KLHL3: variants seen among roughly 807,000 people sequenced by gnomAD.
The protein encoded by KLHL3 is kelch-like protein 3.
A neutral mutation model predicts 70.5 loss-of-function variants in KLHL3; 19 were observed. That is an observed-to-expected ratio of 0.27 (90% CI 0.19 to 0.40). The LOEUF is 0.40. KLHL3 is among the 10% of genes least tolerant of loss of function. KLHL3 has a pLI of 1.00. For synonymous variants in KLHL3, 258 were observed against 290.3 expected (o/e 0.89, Z 1.13); for missense variants, 512 against 771.1 (o/e 0.66, Z 3.98).
At chr5:137,684,167 C>A (rs566302616) in intron 5 of KLHL3, among the ~76,000 whole-genome samples, 1 of 152,194 alleles carries the variant, frequency 6.6e-6, no homozygotes, top group African/African-American at 2.4e-5. Context: ...TACTAAACTT[C>A]TCTGGGGTTA....
chr5:137,675,473 C>T (rs1216288347), intron 6 of KLHL3, among the ~76,000 whole-genome samples: 6 of 152,012 alleles, frequency 3.9e-5, no homozygotes, highest in Admixed American at 2.0e-4. Context: ...CTATATTTGG[C>T]GTTTTATATC....
chr5:137,670,730 G>A (rs765775264), intron 6 of KLHL3, among the ~76,000 whole-genome samples: 1 of 152,004 alleles, frequency 6.6e-6, no homozygotes, highest in African/African-American at 2.4e-5. Context: ...AGCACTTTGC[G>A]AGGCTGAGGC....
chr5:137,698,988 A>C (rs991414113), intron 3 of KLHL3, among the ~76,000 whole-genome samples: 2 of 152,270 alleles, frequency 1.3e-5, no homozygotes, highest in African/African-American at 4.8e-5. Context: ...TGAGCACAGG[A>C]GGGTAGGTAA....
chr5:137,667,446 G>C (rs1474914563), intron 6 of KLHL3, among the ~76,000 whole-genome samples: 1 of 152,152 alleles, frequency 6.6e-6, no homozygotes, highest in Non-Finnish European at 1.5e-5. Flanking sequence ...CCAATTTCTT[G>C]CATGCTACAA....
At chr5:137,702,289 A>C (rs1232053982) in intron 3 of KLHL3, among the ~76,000 whole-genome samples, 1 of 152,216 alleles carries the variant, frequency 6.6e-6, no homozygotes, top group African/African-American at 2.4e-5. Flanking sequence ...GATAGAGTCC[A>C]TTGTTTTCAT....
At chr5:137,715,237 T>C (rs1752871375) in intron 2 of KLHL3, among the ~76,000 whole-genome samples, 1 of 152,208 alleles carries the variant, frequency 6.6e-6, no homozygotes, top group African/African-American at 2.4e-5. Flanking sequence ...AACTCATGAA[T>C]TGTGTGATTC....
At chr5:137,661,784 G>T in intron 7 of KLHL3, 131 bp downstream of exon 7, 1 of 625,622 alleles carries the variant, frequency 1.6e-6, no homozygotes, top group Non-Finnish European at 2.9e-6. Context: ...TTAACCCAGT[G>T]GGCTGGTTCC....
intron 2 of KLHL3, among the ~76,000 whole-genome samples, chr5:137,715,660 T>C (rs1432789943): frequency 6.6e-6 from 1 of 152,196 alleles, no homozygotes; most frequent in African/African-American, 2.4e-5. Context: ...ATCATCATCA[T>C]CATCATCATA....
At chr5:137,679,832 G>A (rs906371192) in intron 5 of KLHL3, among the ~76,000 whole-genome samples, 6 of 152,188 alleles carry the variant, frequency 3.9e-5, no homozygotes. Flanking sequence ...GGTGGGGAAG[G>A]GGCAACAAGA....
In KLHL3 at chr5:137,692,280, C is replaced by T. The variant is rs370397920; in HGVS notation, c.526+5G>A. 8 of 1,610,456 alleles carry T rather than the reference C, an allele frequency of 5.0e-6. No homozygotes were observed. In the Admixed American group the frequency reaches 1.2e-4, roughly 24 times the overall value. On this transcript the variant is annotated splice_donor_5th_base_variant and intron_variant, in intron 5 of 14. Transcript: ENST00000309755. ...AGGAGGTGCAGCAGTCCGGCTCCCC[C>T]TTACCTGCGTAGGCATTGGCCTGCT... is the stretch of plus-strand genomic sequence containing the variant.
chr5:137,651,679 C>T (rs1580733395), intron 8 of KLHL3, among the ~76,000 whole-genome samples: 2 of 152,180 alleles, frequency 1.3e-5, no homozygotes, highest in East Asian at 3.9e-4. Flanking sequence ...CAAGCAGAAC[C>T]CCTACAAGCT....
rs996797978 is a variant in KLHL3 at position 137,619,338 on chromosome 5, A to G, written c.*2760T>C. ...TGTAGATGGAGAGATGCCATTGGGT[A>G]CTTATGAGAAATAACTTTGGAATTC... On this transcript the variant is annotated 3_prime_UTR_variant, in exon 15 of 15. Transcript: ENST00000309755. 5 of 152,658 alleles carry G rather than the reference A, an allele frequency of 3.3e-5. No individual in the cohort carries two copies. The highest frequency in any genetic ancestry group is 1.2e-4 in the African/African-American group (5 of 41,458). The allele number at this position is 152,658 out of a possible 1,614,324, so 9.5% of individuals were successfully genotyped here.
At chr5:137,649,510 G>T (rs187846622) in intron 8 of KLHL3, among the ~76,000 whole-genome samples, 1 of 152,144 alleles carries the variant, frequency 6.6e-6, no homozygotes, top group Non-Finnish European at 1.5e-5. Flanking sequence ...ACTGCACCCC[G>T]ACCAACAGCT....
chr5:137,670,921 C>T (rs373187893), intron 6 of KLHL3, among the ~76,000 whole-genome samples: 5 of 148,806 alleles, frequency 3.4e-5, no homozygotes, highest in South Asian at 4.2e-4. Context: ...TGCAGTGAGC[C>T]GAGATCGTGC....
intron 8 of KLHL3, among the ~76,000 whole-genome samples, chr5:137,657,371 G>C (rs1422879165): frequency 3.3e-5 from 5 of 152,130 alleles, no homozygotes; most frequent in Admixed American, 2.6e-4. Flanking sequence ...CAGCATGTTA[G>C]ACTCCTAAAA....
intron 2 of KLHL3, among the ~76,000 whole-genome samples, chr5:137,719,102 C>A (rs1244084532): frequency 6.6e-6 from 1 of 152,232 alleles, no homozygotes; most frequent in African/African-American, 2.4e-5. Flanking sequence ...AGCATCAACC[C>A]TCTTCTCCAA....
intron 3 of KLHL3, among the ~76,000 whole-genome samples, chr5:137,705,655 A>G (rs560525049): frequency 1.3e-5 from 2 of 152,364 alleles, no homozygotes; most frequent in East Asian, 1.9e-4. Flanking sequence ...GATTATGGGC[A>G]TAAGACCCTG....
chr5:137,621,068 A>C lies in KLHL3; in HGVS notation c.*1030T>G, dbSNP rs1307477668. ...TGACCTCTTATTTATCCTCCAGACC[A>C]GAACACTTCTGAGTAAAATGGGGTG... On this transcript the variant is annotated 3_prime_UTR_variant, in exon 15 of 15. Coordinates refer to ENST00000309755, the MANE Select transcript of KLHL3 (RefSeq NM_017415.3). 2.0e-5 allele frequency: 3 copies of C among 152,586 alleles called. No homozygotes were observed. The highest frequency in any genetic ancestry group is 4.4e-5 in the Non-Finnish European group (3 of 68,058). The allele number at this position is 152,586 out of a possible 1,614,324, so 9.5% of individuals were successfully genotyped here.
chr5:137,710,792 T>C (rs1752778085), intron 2 of KLHL3, among the ~76,000 whole-genome samples: 1 of 152,210 alleles, frequency 6.6e-6, no homozygotes, highest in African/African-American at 2.4e-5. Flanking sequence ...TTTTTACACA[T>C]ATTACTTCAT....
Sources: gnomAD v4.1 joint callset for allele counts (sites outside exome capture counted in the v4.1 genomes callset) on GRCh38, gnomAD v4.1.1 for gene constraint, MANE v1.5 for transcripts, NCBI Gene and HGNC (gene_info 2026-07-23, HGNC 2026-07-21) for gene names.